Variants in TMEM117 observed in about 807,000 individuals in gnomAD.
TMEM117 encodes the protein transmembrane protein 117.
TMEM117 carries 27 observed loss-of-function variants against 52.4 expected under a neutral mutation model. That is an observed-to-expected ratio of 0.51 (90% CI 0.38 to 0.71). The LOEUF (loss-of-function observed/expected upper bound fraction) is 0.71. Ranked by LOEUF, TMEM117 falls within the 30% of genes least tolerant of loss-of-function variation. The probability of loss-of-function intolerance (pLI) is 0.00; values close to 1 mark genes in which losing one functional copy is unlikely to be tolerated. For missense variants in TMEM117, 556 were observed against 630.5 expected, an observed-to-expected ratio of 0.88 and a Z score of 1.26; for synonymous variants, 215 against 206.3, an observed-to-expected ratio of 1.04 and a Z score of -0.36.
chr12:44,314,375 C>A (rs1428477253), intron 6 of TMEM117, among the ~76,000 whole-genome samples: 2 of 151,986 alleles, frequency 1.3e-5, no homozygotes, highest in African/African-American at 4.8e-5. Flanking sequence ...GTTTTTAATT[C>A]TGGTTTTGTG....
At position 44,143,555 on chromosome 12, in the gene TMEM117, C is replaced by T. The variant is rs1948599208; in HGVS notation, c.441C>T (p.Ile147=). The T allele has an allele frequency of 4.3e-6, 7 of 1,613,860 alleles. No individual in the cohort carries two copies. Among genetic ancestry groups the T allele is most frequent in the Non-Finnish European group, 5.9e-6 (7 of 1,179,902 alleles). ...ATATCATTACAGACTATATGGGCAT[C>T]CGAAATGAAAGTTTCATGAAATTAG... The part of the protein sequence containing the change: ...GAYIITDYMG[I]RNESFMKLAA... The change falls in exon 4 of 8, where the codon ATC becomes ATT. Residue 147 remains isoleucine (I), a synonymous_variant. Coordinates refer to ENST00000266534, the MANE Select transcript of TMEM117 (RefSeq NM_032256.3).
intron 5 of TMEM117, among the ~76,000 whole-genome samples, chr12:44,277,290 T>C (rs912464510): frequency 6.6e-6 from 1 of 152,234 alleles, no homozygotes; most frequent in African/African-American, 2.4e-5. Flanking sequence ...AACATTTCTT[T>C]TCTACATCTG....
chr12:44,066,287 G>A (rs1378006857), intron 3 of TMEM117, among the ~76,000 whole-genome samples: 2 of 152,196 alleles, frequency 1.3e-5, no homozygotes, highest in African/African-American at 4.8e-5. Context: ...AACTATAGGT[G>A]AGATGATGGG....
At chr12:44,078,246 A>G (rs1053229850) in intron 3 of TMEM117, among the ~76,000 whole-genome samples, 6 of 152,220 alleles carry the variant, frequency 3.9e-5, no homozygotes, top group Non-Finnish European at 5.9e-5. Flanking sequence ...CAGAGCAGAG[A>G]GATATGCCAA....
chr12:44,299,516 A>T, intron 5 of TMEM117, 64 bp from the exon 6 acceptor site: 1 of 1,567,154 alleles, frequency 6.4e-7, no homozygotes, highest in Non-Finnish European at 8.7e-7. Context: ...CACAGATAAC[A>T]TGCACTCTCT....
At position 44,308,120 on chromosome 12, in the gene TMEM117, A is replaced by C. The variant is rs373579151; in HGVS notation, c.768+8381A>C. On this transcript the variant is annotated intron_variant, in intron 6 of 7. Transcript: ENST00000266534. ...GGTTAAGTAAGTGGAAAATAGAGACATTCAAGTTTTATCCCAATTTAAAGT... is the reference window on the plus strand; with the variant it reads ...GGTTAAGTAAGTGGAAAATAGAGACCTTCAAGTTTTATCCCAATTTAAAGT... 3.9e-5 allele frequency among the ~76,000 whole-genome samples: 6 copies of C among 152,212 alleles called. No individual in the cohort carries two copies. In the East Asian group the frequency reaches 9.6e-4, roughly 24 times the overall value.
intron 5 of TMEM117, among the ~76,000 whole-genome samples, chr12:44,276,145 CA>C (rs1374116343): frequency 6.6e-6 from 1 of 151,896 alleles, no homozygotes; most frequent in East Asian, 1.9e-4. Flanking sequence ...GGTATATATC[CA>C]AAGGATATGA....
intron 3 of TMEM117, among the ~76,000 whole-genome samples, chr12:43,989,060 T>C (rs1945894975): frequency 6.6e-6 from 1 of 152,094 alleles, no homozygotes; most frequent in Non-Finnish European, 1.5e-5. Context: ...ATAAGTTATG[T>C]TTACTGTGGG....
rs1946010863 is a variant in TMEM117, at chr12:43,995,345, G to GT, written c.410+51010dup. ...TTAAACTTTGACTCTGAAGCCTGTGGTTTTTTTCCCTCTGACTAGATACCT... is the reference window on the plus strand; with the variant it reads ...TTAAACTTTGACTCTGAAGCCTGTGGTTTTTTTTCCCTCTGACTAGATACCT... On this transcript the variant is annotated intron_variant, in intron 3 of 7. Coordinates refer to ENST00000266534, the MANE Select transcript of TMEM117 (RefSeq NM_032256.3). Among the ~76,000 whole-genome samples, 4 of 151,870 alleles carry GT rather than the reference G, an allele frequency of 2.6e-5. No homozygotes were observed. The South Asian group carries it at 6.3e-4, about 24-fold the overall frequency.
At chr12:44,322,741 A>T (rs1951147978) in intron 6 of TMEM117, among the ~76,000 whole-genome samples, 1 of 152,154 alleles carries the variant, frequency 6.6e-6, no homozygotes, top group Non-Finnish European at 1.5e-5. Context: ...GATAGGTTGT[A>T]AGAATATACT....
At chr12:44,292,967 A>G (rs1950722839) in intron 5 of TMEM117, among the ~76,000 whole-genome samples, 2 of 151,784 alleles carry the variant, frequency 1.3e-5, no homozygotes, top group Non-Finnish European at 2.9e-5. Context: ...ATTCAAGTCC[A>G]TTGTTTCGTT....
intron 2 of TMEM117, among the ~76,000 whole-genome samples, chr12:43,894,491 T>C (rs990255963): frequency 4.6e-5 from 7 of 152,214 alleles, no homozygotes; most frequent in African/African-American, 1.7e-4. Flanking sequence ...TACAGATTAT[T>C]TCATCACCCA....
intron 6 of TMEM117, among the ~76,000 whole-genome samples, chr12:44,313,798 C>T (rs1016997969): frequency 2.0e-5 from 3 of 151,920 alleles, no homozygotes; most frequent in Admixed American, 6.6e-5. Context: ...TTTTGTAGTT[C>T]TCCTTGTAGA....
At position 43,944,244 on chromosome 12, in the gene TMEM117, T is replaced by A; in HGVS notation, c.312T>A (p.Asp104Glu). 2 of 1,613,432 alleles carry A rather than the reference T, an allele frequency of 1.2e-6. No homozygotes were observed. Among genetic ancestry groups the A allele is most frequent in the Non-Finnish European group, 1.7e-6 (2 of 1,179,614 alleles). Residue 104 changes from aspartate to glutamate, a missense_variant, in exon 3 of 8, where the codon GAT (aspartate) becomes GAA (glutamate). Around this residue, in one of 3 missense-constraint regions of TMEM117, gnomAD observed 328 missense variants for 371.4 expected, o/e 0.88. Transcript: ENST00000266534. ...QLLRLKMFRE[D>E]HGSWMTMFFS... ...TCCGATTAAAAATGTTTCGAGAAGA[T>A]CATGGGTCGTGGATGACAATGTTCT...
chr12:44,237,511 G>A (rs148690931), intron 5 of TMEM117, among the ~76,000 whole-genome samples: 2 of 152,160 alleles, frequency 1.3e-5, no homozygotes, highest in East Asian at 3.9e-4. Flanking sequence ...CTTGATCTCA[G>A]TTCAAGACCA....
intron 3 of TMEM117, among the ~76,000 whole-genome samples, chr12:44,120,239 GCTGTC>G (rs1169538901): frequency 9.1e-4 from 139 of 152,216 alleles, no homozygotes; most frequent in Non-Finnish European, 1.9e-4. Context: ...TTTCCCGATG[GCTGTC>G]TTCTATTCTT....
intron 3 of TMEM117, among the ~76,000 whole-genome samples, chr12:44,064,382 T>G (rs1947188914): frequency 6.6e-6 from 1 of 152,264 alleles, no homozygotes; most frequent in Non-Finnish European, 1.5e-5. Flanking sequence ...AAGCTCATAC[T>G]AATTTATTAC....
chr12:43,837,721 T>C (rs910789413), intron 1 of TMEM117, among the ~76,000 whole-genome samples: 1 of 152,224 alleles, frequency 6.6e-6, no homozygotes, highest in Non-Finnish European at 1.5e-5. Flanking sequence ...GATTATATTT[T>C]AATTTTATAA....
chr12:44,082,494 C>G (rs1947498107), intron 3 of TMEM117, among the ~76,000 whole-genome samples: 1 of 151,838 alleles, frequency 6.6e-6, no homozygotes, highest in Admixed American at 6.6e-5. Flanking sequence ...CAGTAAATAT[C>G]CTTACTTTTT....
Sources: gnomAD v4.1 joint callset for allele counts (sites outside exome capture counted in the v4.1 genomes callset) on GRCh38, gnomAD v4.1.1 for gene constraint, gnomAD v4.1.1 regional missense constraint, MANE v1.5 for transcripts, NCBI Gene and HGNC (gene_info 2026-07-23, HGNC 2026-07-21) for gene names.